GPHN: variants seen among roughly 807,000 people sequenced by gnomAD.
GPHN encodes gephyrin.
A neutral mutation model predicts 95.5 loss-of-function variants in GPHN; 17 were observed. The ratio of observed to expected loss-of-function variants is 0.18; its 90% CI spans 0.12 to 0.27. The LOEUF (loss-of-function observed/expected upper bound fraction) is 0.27. Among genes scored for constraint, GPHN ranks in the 10% least tolerant of loss-of-function variants. The pLI is 1.00. For synonymous variants in GPHN, 320 were observed against 322.5 expected (o/e 0.99, Z 0.08); for missense variants, 660 against 978.1 (o/e 0.67, Z 4.34).
chr14:66,601,950 C>G (rs2140847265), intron 1 of GPHN, among the ~76,000 whole-genome samples: 1 of 152,018 alleles, frequency 6.6e-6, no homozygotes, highest in Non-Finnish European at 1.5e-5. Flanking sequence ...CAATAGGCAT[C>G]ATAGTGATTA....
chr14:67,240,380 TG>T, the GPHN span, among the ~76,000 whole-genome samples: 5 of 151,972 alleles, frequency 3.3e-5, no homozygotes, highest in Non-Finnish European at 5.9e-5. Flanking sequence ...AAAAACACCG[TG>T]GGACAAAATG....
At chr14:67,089,572 T>C (rs573636013) in intron 12 of GPHN, among the ~76,000 whole-genome samples, 41 of 152,252 alleles carry the variant, frequency 2.7e-4, no homozygotes, top group Non-Finnish European at 5.0e-4. Context: ...CCAGACAGCA[T>C]ACATTCTTAG....
At chr14:67,645,788 G>A in the GPHN span, 2 of 1,613,922 alleles carry the variant, frequency 1.2e-6, no homozygotes, top group Non-Finnish European at 1.7e-6. Context: ...TCTCCTCAGA[G>A]AACTACAGGA....
At chr14:67,287,746 G>A in the GPHN span, among the ~76,000 whole-genome samples, 2 of 152,230 alleles carry the variant, frequency 1.3e-5, no homozygotes, top group Admixed American at 6.5e-5. Context: ...AACATTTACA[G>A]TGTCATCTAT....
intron 1 of GPHN, among the ~76,000 whole-genome samples, chr14:66,639,844 T>G (rs2064297909): frequency 6.6e-6 from 1 of 152,152 alleles, no homozygotes; most frequent in South Asian, 2.1e-4. Context: ...AACAGATATA[T>G]ACATATGAAA....
intron 1 of GPHN, chr14:66,509,091 G>T: frequency 5.6e-6 from 1 of 180,122 alleles, no homozygotes; most frequent in Non-Finnish European, 1.2e-5. Context: ...AGACTCAGGT[G>T]TTAATCAGAT....
the GPHN span, chr14:67,727,262 G>A: frequency 8.5e-7 from 1 of 1,177,092 alleles, no homozygotes; most frequent in South Asian, 1.3e-5. Context: ...AACTTGGGAA[G>A]TCAGGCTGTC....
chr14:67,600,155 G>A, the GPHN span: 1 of 1,590,462 alleles, frequency 6.3e-7, no homozygotes, highest in Non-Finnish European at 8.6e-7. Context: ...CGGCGCTGCA[G>A]CGCCAGGCGG....
At chr14:67,727,119 G>A in the GPHN span, 1 of 1,614,208 alleles carries the variant, frequency 6.2e-7, no homozygotes, top group East Asian at 2.2e-5. Context: ...CGCTACAGCA[G>A]GGGTTTTGCC....
the GPHN span, among the ~76,000 whole-genome samples, chr14:67,435,917 T>C: frequency 6.6e-6 from 1 of 152,194 alleles, no homozygotes; most frequent in Non-Finnish European, 1.5e-5. Context: ...AAAAAGAGCT[T>C]AGCAGGCAGT....
intron 1 of GPHN, among the ~76,000 whole-genome samples, chr14:66,679,748 A>G (rs1189157689): frequency 1.3e-5 from 2 of 152,190 alleles, no homozygotes; most frequent in Non-Finnish European, 2.9e-5. Context: ...TTAATTGCAG[A>G]TAGTGTGTTT....
intron 2 of GPHN, among the ~76,000 whole-genome samples, chr14:66,761,659 CT>C (rs753179169): frequency 0.013 from 1,758 of 135,584 alleles, 10 homozygotes; most frequent in Non-Finnish European, 0.02. Context: ...ATACTCAGTT[CT>C]TTTTTTTTTT....
At chr14:67,344,782 T>C in the GPHN span, among the ~76,000 whole-genome samples, 2 of 151,718 alleles carry the variant, frequency 1.3e-5, no homozygotes, top group African/African-American at 4.9e-5. Flanking sequence ...CTTGGGAGGC[T>C]GAGGCGGGAG....
the GPHN span, among the ~76,000 whole-genome samples, chr14:67,350,069 A>C: frequency 6.6e-6 from 1 of 152,284 alleles, no homozygotes; most frequent in Admixed American, 6.5e-5. Context: ...GGAGAATTAC[A>C]TAACATATGT....
chr14:66,994,947 A>G (rs566501811), intron 9 of GPHN, among the ~76,000 whole-genome samples: 8 of 150,000 alleles, frequency 5.3e-5, no homozygotes, highest in African/African-American at 1.9e-4. Flanking sequence ...CATTTATTAA[A>G]TAAACATATA....
chr14:67,543,781 CA>C, the GPHN span, among the ~76,000 whole-genome samples: 94,474 of 148,908 alleles, frequency 0.63, 29,769 homozygotes, highest in Non-Finnish European at 0.66. Flanking sequence ...AACAAAATAA[CA>C]AAAAAAAAAC....
chr14:66,805,250 A>G lies in GPHN; in HGVS notation c.202-19224A>G, dbSNP rs143303828. ...TCAGATCTCATGAGACTTACTCACT[A>G]TTGCTAGAATAGCAAGGGAAAAACC... is the stretch of plus-strand genomic sequence containing the variant. On this transcript the variant is annotated intron_variant, in intron 3 of 22. Transcript: ENST00000478722. 3.2e-3 allele frequency among the ~76,000 whole-genome samples: 483 copies of G among 152,302 alleles called. 2 individuals carry two copies. Among genetic ancestry groups the G allele is most frequent in the African/African-American group, 0.011 (461 of 41,560 alleles).
the GPHN span, among the ~76,000 whole-genome samples, chr14:67,269,353 A>T: frequency 6.6e-6 from 1 of 151,020 alleles, no homozygotes; most frequent in Admixed American, 6.6e-5. Context: ...GTGTGTGTGT[A>T]GATGTATGAT....
chr14:66,764,419 A>G (rs1445810108), intron 2 of GPHN, among the ~76,000 whole-genome samples: 2 of 152,102 alleles, frequency 1.3e-5, no homozygotes, highest in African/African-American at 4.8e-5. Flanking sequence ...ATTAACTCAT[A>G]TAGTTAATCC....
Sources: allele counts gnomAD v4.1 joint callset (sites outside exome capture counted in the v4.1 genomes callset), GRCh38; gene constraint gnomAD v4.1.1; transcripts MANE v1.5; gene names NCBI Gene and HGNC (gene_info 2026-07-23, HGNC 2026-07-21).